Variants in GALNTL6 observed in about 807,000 individuals in gnomAD.
The protein encoded by GALNTL6 is polypeptide N-acetylgalactosaminyltransferase like 6.
GALNTL6 carries 46 observed loss-of-function variants against 73.7 expected under a neutral mutation model. The observed-to-expected ratio is 0.62, with a 90% CI of 0.49 to 0.80. GALNTL6 has a LOEUF of 0.80. Ranked by LOEUF, GALNTL6 falls within the 30% of genes least tolerant of loss-of-function variation. The pLI, the probability that GALNTL6 is intolerant of heterozygous loss-of-function variation, is 0.00. For synonymous variants in GALNTL6, 259 were observed against 263.7 expected (o/e 0.98, Z 0.17); for missense variants, 604 against 755.0 (o/e 0.80, Z 2.34).
intron 5 of GALNTL6, among the ~76,000 whole-genome samples, chr4:172,736,594 T>C (rs148103387): frequency 0.012 from 1,782 of 152,284 alleles, 14 homozygotes; most frequent in South Asian, 0.035. Flanking sequence ...GATGACGGGA[T>C]TAAGAGATTA....
chr4:172,160,356 A>C (rs72700968), intron 2 of GALNTL6, among the ~76,000 whole-genome samples: 3,161 of 152,184 alleles, frequency 0.021, 36 homozygotes, highest in Non-Finnish European at 0.031. Flanking sequence ...AAAGAAAAAA[A>C]AAAATAGCAG....
chr4:171,858,756 T>C (rs1270706503), intron 2 of GALNTL6, among the ~76,000 whole-genome samples: 3 of 152,144 alleles, frequency 2.0e-5, no homozygotes, highest in Non-Finnish European at 4.4e-5. Context: ...ATAAAAGGAA[T>C]GCTTACAGGT....
intron 5 of GALNTL6, among the ~76,000 whole-genome samples, chr4:172,575,024 G>A (rs1465101717): frequency 1.3e-5 from 2 of 151,868 alleles, no homozygotes; most frequent in East Asian, 3.9e-4. Context: ...CAGGATATTT[G>A]GAAAAAGGCT....
intron 10 of GALNTL6, among the ~76,000 whole-genome samples, chr4:172,968,283 G>A (rs533468108): frequency 5.3e-4 from 81 of 152,186 alleles, no homozygotes; most frequent in African/African-American, 1.7e-3. Context: ...AAGCATTCAC[G>A]CCCAATAGGA....
At chr4:172,654,420 A>G (rs968538907) in intron 5 of GALNTL6, among the ~76,000 whole-genome samples, 3 of 152,134 alleles carry the variant, frequency 2.0e-5, no homozygotes, top group Non-Finnish European at 2.9e-5. Flanking sequence ...AATCCTTTCC[A>G]AGGGCCCCAG....
rs868267017 is a variant in GALNTL6, at chr4:172,529,022, C to T, written c.553+180333C>T. 4.1e-3 allele frequency among the ~76,000 whole-genome samples: 366 copies of T among 88,304 alleles called. 3 individuals carry two copies. Among genetic ancestry groups the T allele is most frequent in the African/African-American group, 0.013 (337 of 26,932 alleles). The allele number at this position is 88,304 out of a possible 152,430, so 57.9% of individuals were successfully genotyped here. The stretch of plus-strand genomic sequence containing the variant: ...ATATATATATACACACACACACACA[C>T]ATATATATATATATCAAGTAGCAGT... On this transcript the variant is annotated intron_variant, in intron 5 of 12. Coordinates refer to ENST00000506823, the MANE Select transcript of GALNTL6 (RefSeq NM_001034845.3).
At chr4:172,249,442 C>A (rs1349785845) in intron 3 of GALNTL6, among the ~76,000 whole-genome samples, 1 of 152,212 alleles carries the variant, frequency 6.6e-6, no homozygotes, top group Non-Finnish European at 1.5e-5. Context: ...GAGAGATATT[C>A]AAGCCTGCTG....
intron 2 of GALNTL6, among the ~76,000 whole-genome samples, chr4:172,168,054 A>G (rs13124593): frequency 0.76 from 115,201 of 151,828 alleles, 44,017 homozygotes; most frequent in Non-Finnish European, 0.82. Flanking sequence ...ACCTCCTTAT[A>G]CTTTCTGAAA....
At chr4:172,402,587 G>T (rs113990342) in intron 5 of GALNTL6, among the ~76,000 whole-genome samples, 6 of 152,028 alleles carry the variant, frequency 3.9e-5, no homozygotes, top group Non-Finnish European at 7.4e-5. Flanking sequence ...TTGAAAAGTA[G>T]TATGCCACCA....
chr4:172,352,332 C>G (rs1175534873), intron 5 of GALNTL6, among the ~76,000 whole-genome samples: 2 of 152,096 alleles, frequency 1.3e-5, no homozygotes, highest in African/African-American at 4.8e-5. Flanking sequence ...ATAAGTCCAC[C>G]ATCTATAAAA....
intron 2 of GALNTL6, among the ~76,000 whole-genome samples, chr4:172,098,872 A>G (rs1732430775): frequency 1.3e-5 from 2 of 152,036 alleles, no homozygotes; most frequent in South Asian, 4.2e-4. Flanking sequence ...TCAGTACTCC[A>G]CCCCCAAACA....
chr4:172,674,229 T>C (rs2111213315), intron 5 of GALNTL6, among the ~76,000 whole-genome samples: 1 of 152,288 alleles, frequency 6.6e-6, no homozygotes, highest in East Asian at 1.9e-4. Context: ...TGAAGCTTAG[T>C]TTGACCAGAC....
chr4:172,606,277 A>G (rs571962189), intron 5 of GALNTL6, among the ~76,000 whole-genome samples: 1 of 151,968 alleles, frequency 6.6e-6, no homozygotes, highest in East Asian at 1.9e-4. Context: ...CAACATGGAG[A>G]AACCCCGTCT....
chr4:172,052,569 A>C (rs1158387250), intron 2 of GALNTL6: 2 of 1,407,158 alleles, frequency 1.4e-6, no homozygotes, highest in East Asian at 5.0e-5. Context: ...GTGCAGACCA[A>C]GACAAGATAG....
At chr4:172,476,011 A>G (rs770607291) in intron 5 of GALNTL6, among the ~76,000 whole-genome samples, 6 of 152,234 alleles carry the variant, frequency 3.9e-5, no homozygotes, top group Non-Finnish European at 8.8e-5. Flanking sequence ...CTGCAATACT[A>G]TAAGTGATGG....
intron 5 of GALNTL6, among the ~76,000 whole-genome samples, chr4:172,651,852 A>C (rs1454945234): frequency 6.6e-6 from 1 of 152,198 alleles, no homozygotes; most frequent in East Asian, 1.9e-4. Context: ...ATGTCCTTTG[A>C]ATTTCTGAAA....
intron 2 of GALNTL6, among the ~76,000 whole-genome samples, chr4:171,936,482 T>C (rs1738348475): frequency 6.6e-6 from 1 of 152,184 alleles, no homozygotes; most frequent in Non-Finnish European, 1.5e-5. Flanking sequence ...ATGGATCATT[T>C]TCTTTTATGC....
intron 2 of GALNTL6, among the ~76,000 whole-genome samples, chr4:171,862,325 C>G (rs1489160177): frequency 2.6e-5 from 4 of 152,002 alleles, no homozygotes; most frequent in Non-Finnish European, 5.9e-5. Flanking sequence ...TAGGGAAAAG[C>G]ATTACCAGGC....
chr4:171,973,793 G>A (rs763515651), intron 2 of GALNTL6, among the ~76,000 whole-genome samples: 14 of 151,966 alleles, frequency 9.2e-5, no homozygotes, highest in East Asian at 7.7e-4. Context: ...TGTTATTATC[G>A]TTATAGAGAC....
Sources: gnomAD v4.1 joint callset for allele counts (sites outside exome capture counted in the v4.1 genomes callset) on GRCh38, gnomAD v4.1.1 for gene constraint, MANE v1.5 for transcripts, NCBI Gene and HGNC (gene_info 2026-07-23, HGNC 2026-07-21) for gene names.